The following TENM4 variants were observed in gnomAD, a reference collection of about 807,000 sequenced individuals.
The protein encoded by TENM4 is teneurin transmembrane protein 4.
A neutral mutation model predicts 243.3 loss-of-function variants in TENM4; 82 were observed. The ratio of observed to expected loss-of-function variants is 0.34; its 90% CI spans 0.28 to 0.40. The LOEUF is 0.40. TENM4 is among the 10% of genes least tolerant of loss of function. The pLI is 1.00. For missense variants in TENM4, 3,138 were observed against 3,673.3 expected, an observed-to-expected ratio of 0.85 and a Z score of 3.77; for synonymous variants, 1,412 against 1,456.3, an observed-to-expected ratio of 0.97 and a Z score of 0.69.
intron 1 of TENM4, among the ~76,000 whole-genome samples, chr11:79,355,556 A>ACCTTCTTCTG (rs1229975191): frequency 9.9e-5 from 15 of 151,268 alleles, no homozygotes; most frequent in South Asian, 2.1e-4. Context: ...AAACAAAACA[A>ACCTTCTTCTG]TTGAACCCTC....
chr11:78,861,686 T>C (rs768514425), intron 10 of TENM4, among the ~76,000 whole-genome samples: 3 of 152,160 alleles, frequency 2.0e-5, no homozygotes, highest in Non-Finnish European at 4.4e-5. Flanking sequence ...CATGAGTAGA[T>C]ACTCTGACCA....
intron 15 of TENM4, among the ~76,000 whole-genome samples, chr11:78,794,157 A>G (rs1273803952): frequency 2.0e-5 from 3 of 152,210 alleles, no homozygotes; most frequent in African/African-American, 7.2e-5. Flanking sequence ...AAGTGTCCCA[A>G]CTATTTCATG....
At chr11:79,099,752 C>T (rs533511080) in intron 4 of TENM4, among the ~76,000 whole-genome samples, 53 of 152,198 alleles carry the variant, frequency 3.5e-4, no homozygotes, top group Non-Finnish European at 6.6e-4. Flanking sequence ...TAAAAGTTGG[C>T]CATAGCCATG....
intron 31 of TENM4, 151 bp downstream of exon 31, chr11:78,671,882 A>T: frequency 9.8e-7 from 1 of 1,021,532 alleles, no homozygotes; most frequent in Non-Finnish European, 1.4e-6. Context: ...GCCTCTTGGG[A>T]CCCCATGCCC....
chr11:78,704,527 G>A (rs1199726367), intron 27 of TENM4, among the ~76,000 whole-genome samples: 1 of 152,052 alleles, frequency 6.6e-6, no homozygotes, highest in South Asian at 2.1e-4. Context: ...TGTTAAAAGT[G>A]ATGTTATAGA....
intron 3 of TENM4, among the ~76,000 whole-genome samples, chr11:79,181,388 A>G (rs1863279113): frequency 6.6e-6 from 1 of 152,206 alleles, no homozygotes; most frequent in African/African-American, 2.4e-5. Context: ...ACAAAATTCA[A>G]CACTCGTTTA....
At chr11:78,684,600 T>C (rs1387462026) in intron 29 of TENM4, among the ~76,000 whole-genome samples, 1 of 152,104 alleles carries the variant, frequency 6.6e-6, no homozygotes, top group African/African-American at 2.4e-5. Flanking sequence ...GGTCCTGGAA[T>C]AGGGCCCCTT....
chr11:79,176,135 G>C (rs1174163057), intron 3 of TENM4, among the ~76,000 whole-genome samples: 1 of 152,160 alleles, frequency 6.6e-6, no homozygotes, highest in East Asian at 1.9e-4. Context: ...TTTTAGAGAT[G>C]TGCTACTCAG....
At chr11:79,196,752 A>G (rs542195403) in intron 3 of TENM4, among the ~76,000 whole-genome samples, 9 of 152,292 alleles carry the variant, frequency 5.9e-5, no homozygotes, top group Non-Finnish European at 1.2e-4. Context: ...CTCATCAAAC[A>G]GAACATTCTA....
At chr11:78,899,694 G>C in intron 7 of TENM4, among the ~76,000 whole-genome samples, 1 of 152,088 alleles carries the variant, frequency 6.6e-6, no homozygotes, top group East Asian at 1.9e-4. Context: ...AGGAGATCAA[G>C]TTCTCACTTT....
chr11:78,659,529 A>G (rs1857980321), intron 33 of TENM4, among the ~76,000 whole-genome samples: 1 of 149,962 alleles, frequency 6.7e-6, no homozygotes, highest in African/African-American at 2.4e-5. Context: ...TTGAGTTGGG[A>G]CCTGAAGGAT....
At chr11:78,814,195 G>C in intron 13 of TENM4, 99 bp downstream of exon 13, 2 of 1,172,012 alleles carry the variant, frequency 1.7e-6, no homozygotes, top group East Asian at 2.7e-5. Context: ...GTGGGCATCA[G>C]AAGGTGGGCT....
intron 4 of TENM4, among the ~76,000 whole-genome samples, chr11:79,126,913 C>T (rs1168060670): frequency 2.0e-5 from 3 of 152,204 alleles, no homozygotes; most frequent in East Asian, 1.9e-4. Flanking sequence ...ATTTTGGGGA[C>T]TACTGGACAC....
chr11:79,379,877 T>TGGTGC (rs1857966363), intron 1 of TENM4, among the ~76,000 whole-genome samples: 1 of 151,994 alleles, frequency 6.6e-6, no homozygotes, highest in African/African-American at 2.4e-5. Context: ...GGGCTAATGG[T>TGGTGC]GGTGCTGTTT....
intron 9 of TENM4, among the ~76,000 whole-genome samples, chr11:78,879,403 G>C (rs1347628808): frequency 6.6e-6 from 1 of 151,530 alleles, no homozygotes; most frequent in African/African-American, 2.4e-5. Context: ...TGTCTGGGAG[G>C]TGGGGAGTGC....
intron 15 of TENM4, among the ~76,000 whole-genome samples, 181 bp from the exon 16 acceptor site, chr11:78,787,264 C>T (rs965956344): frequency 2.6e-5 from 4 of 152,162 alleles, no homozygotes; most frequent in Admixed American, 6.5e-5. Flanking sequence ...CAGAGGCTCG[C>T]GAGACTAATC....
chr11:78,755,301 A>T (rs1204205408), intron 19 of TENM4, among the ~76,000 whole-genome samples: 1 of 151,864 alleles, frequency 6.6e-6, no homozygotes, highest in Admixed American at 6.6e-5. Context: ...AGTAGCTGGG[A>T]GTATAGGTAC....
At chr11:79,406,167 T>C (rs755212973) in intron 1 of TENM4, among the ~76,000 whole-genome samples, 11 of 152,196 alleles carry the variant, frequency 7.2e-5, no homozygotes, top group Non-Finnish European at 1.2e-4. Flanking sequence ...CTGACAGTCA[T>C]TGTGGCATGA....
intron 31 of TENM4, 138 bp from the exon 32 acceptor site, chr11:78,670,689 C>A: frequency 1.2e-6 from 1 of 852,780 alleles, no homozygotes; most frequent in Non-Finnish European, 1.8e-6. Flanking sequence ...AGTTATGCTC[C>A]AACCAGAGCT....
Sources: gnomAD v4.1 joint callset for allele counts (sites outside exome capture counted in the v4.1 genomes callset) on GRCh38, gnomAD v4.1.1 for gene constraint, MANE v1.5 for transcripts, NCBI Gene and HGNC (gene_info 2026-07-23, HGNC 2026-07-21) for gene names.